Variants in CAPZA1 observed in about 807,000 individuals in gnomAD.
CAPZA1 encodes capping actin protein of muscle Z-line subunit alpha 1.
Under a neutral mutation model 40.8 loss-of-function variants are expected in CAPZA1, and 10 were observed. The ratio of observed to expected loss-of-function variants is 0.25; its 90% confidence interval spans 0.15 to 0.42. The LOEUF (loss-of-function observed/expected upper bound fraction) is 0.42, where lower values mean the gene tolerates loss of function less well. CAPZA1 is among the 10% of genes least tolerant of loss of function. The pLI, the probability that CAPZA1 is intolerant of heterozygous loss-of-function variation, is 1.00. For synonymous variants in CAPZA1, 98 were observed against 115.0 expected (o/e 0.85, Z 0.95); for missense variants, 277 against 353.8 (o/e 0.78, Z 1.74).
In CAPZA1 at chr1:112,639,358, A is replaced by G. The variant is rs182669866; in HGVS notation, c.40-7852A>G. Among the ~76,000 whole-genome samples, 146 of 152,246 alleles carry G rather than the reference A, an allele frequency of 9.6e-4. No homozygotes were observed. In the Middle Eastern group the frequency reaches 0.01, roughly 11 times the overall value. ...TCTTGATATTCACAGATGAACAGGG[A>G]ATATTAAGTTTTTTCAGCACTTGAA... On this transcript the variant is annotated intron_variant, in intron 1 of 9. Coordinates refer to ENST00000263168, the MANE Select transcript of CAPZA1 (RefSeq NM_006135.3).
Sources: gnomAD v4.1 joint callset for allele counts (sites outside exome capture counted in the v4.1 genomes callset) on GRCh38, gnomAD v4.1.1 for gene constraint, MANE v1.5 for transcripts, NCBI Gene and HGNC (gene_info 2026-07-23, HGNC 2026-07-21) for gene names.